Variants in TIAM1 observed in about 807,000 individuals in gnomAD.
The protein encoded by TIAM1 is rho guanine nucleotide exchange factor TIAM1.
A neutral mutation model predicts 163.5 loss-of-function variants in TIAM1; 65 were observed. The ratio of observed to expected loss-of-function variants is 0.40; its 90% CI spans 0.33 to 0.49. The LOEUF (loss-of-function observed/expected upper bound fraction) is 0.49, where lower values mean the gene tolerates loss of function less well. Among genes scored for constraint, TIAM1 ranks in the 20% least tolerant of loss-of-function variants. The pLI, the probability that TIAM1 is intolerant of heterozygous loss-of-function variation, is 0.77. For missense variants in TIAM1, 1,789 were observed against 2,044.7 expected (o/e 0.87, Z 2.41); for synonymous variants, 833 against 810.1 (o/e 1.03, Z -0.48).
At chr21:31,525,739 T>C (rs913802988) in intron 1 of TIAM1, among the ~76,000 whole-genome samples, 2 of 151,924 alleles carry the variant, frequency 1.3e-5, no homozygotes, top group Non-Finnish European at 2.9e-5. Context: ...GACACATTAA[T>C]TATGTCATCC....
intron 1 of TIAM1, among the ~76,000 whole-genome samples, chr21:31,504,424 C>T (rs2046962374): frequency 6.6e-6 from 1 of 152,240 alleles, no homozygotes; most frequent in Non-Finnish European, 1.5e-5. Context: ...AACAAGTTCG[C>T]TACCTGGCAA....
chr21:31,162,996 C>T (rs1297184557), intron 16 of TIAM1, among the ~76,000 whole-genome samples: 1 of 152,116 alleles, frequency 6.6e-6, no homozygotes, highest in East Asian at 1.9e-4. Context: ...ACTGCCAGAA[C>T]CTCATATTAT....
At chr21:31,536,655 A>G (rs1254519882) in intron 1 of TIAM1, among the ~76,000 whole-genome samples, 3 of 152,198 alleles carry the variant, frequency 2.0e-5, no homozygotes, top group Non-Finnish European at 4.4e-5. Flanking sequence ...AGCAGAGCTG[A>G]GTGGGCAGGG....
At chr21:31,365,387 CT>C (rs772457613) in intron 2 of TIAM1, among the ~76,000 whole-genome samples, 93 of 128,796 alleles carry the variant, frequency 7.2e-4, no homozygotes, top group East Asian at 9.6e-4. Context: ...TTATTTCTTT[CT>C]TTTTTTTTTT....
chr21:31,191,961 A>G (rs533598420), intron 13 of TIAM1, among the ~76,000 whole-genome samples: 27 of 152,288 alleles, frequency 1.8e-4, no homozygotes, highest in Middle Eastern at 3.4e-3. Context: ...CTGAAGAGAA[A>G]AAGAATAATC....
At chr21:31,414,667 T>A (rs758604158) in intron 2 of TIAM1, among the ~76,000 whole-genome samples, 3 of 152,154 alleles carry the variant, frequency 2.0e-5, no homozygotes, top group Non-Finnish European at 4.4e-5. Flanking sequence ...AATATGAGCC[T>A]CTGAAGGACA....
At chr21:31,167,265 T>C (rs946483967) in intron 15 of TIAM1, among the ~76,000 whole-genome samples, 1 of 151,998 alleles carries the variant, frequency 6.6e-6, no homozygotes, top group Non-Finnish European at 1.5e-5. Flanking sequence ...CTAACTTTTG[T>C]ATTTTTAGTA....
intron 1 of TIAM1, among the ~76,000 whole-genome samples, chr21:31,552,849 C>A (rs918043461): frequency 6.6e-6 from 1 of 152,254 alleles, no homozygotes. Context: ...CAGTAAGAAT[C>A]ATCATAAAAA....
intron 2 of TIAM1, among the ~76,000 whole-genome samples, chr21:31,410,185 AGT>A (rs879547654): frequency 2.0e-5 from 3 of 148,110 alleles, no homozygotes; most frequent in African/African-American, 5.2e-5. Flanking sequence ...TGTATGTGTG[AGT>A]GTGAAACAGT....
chr21:31,269,816 C>T (rs980410830), intron 3 of TIAM1, among the ~76,000 whole-genome samples: 40 of 152,086 alleles, frequency 2.6e-4, no homozygotes, highest in African/African-American at 8.4e-4. Context: ...GGACTACAGG[C>T]GCCCGCCACC....
In TIAM1 at chr21:31,395,488, T is replaced by A. The variant is rs1208479478; in HGVS notation, c.-368-56066A>T. ...GAGGGGCCCTCGGAGACCGAGGTCATCTAAACACAGCCAATCACCAGATAC... is the reference window on the plus strand; with the variant it reads ...GAGGGGCCCTCGGAGACCGAGGTCAACTAAACACAGCCAATCACCAGATAC... On this transcript the variant is annotated intron_variant, in intron 2 of 28. Coordinates refer to the TIAM1 transcript ENST00000286827. This position sits in a 1 kb window ranked among gnomAD's most constrained non-coding sequence, Gnocchi z 7.5. 6.6e-6 allele frequency among the ~76,000 whole-genome samples: 1 copy of A among 152,092 alleles called. No homozygotes were observed. Among genetic ancestry groups the A allele is most frequent in the Non-Finnish European group, 1.5e-5 (1 of 68,014 alleles).
intron 1 of TIAM1, among the ~76,000 whole-genome samples, chr21:31,536,524 C>T (rs1236817591): frequency 6.6e-6 from 1 of 152,200 alleles, no homozygotes; most frequent in Admixed American, 6.5e-5. Flanking sequence ...AACTCTCACC[C>T]GATACTCTTC....
At position 31,184,622 on chromosome 21, in the gene TIAM1, C is replaced by G. The variant is rs143058209; in HGVS notation, c.2663-1977G>C. The stretch of plus-strand genomic sequence containing the variant: ...AAACAGGATGTGACTGAAACCAGAG[C>G]AGTAGATTCCCCACCCCCGTGCCAC... On this transcript the variant is annotated intron_variant, in intron 14 of 27. Transcript: ENST00000541036. Among the ~76,000 whole-genome samples, 754 of 152,148 alleles carry G rather than the reference C, an allele frequency of 5.0e-3. 12 individuals carry two copies. The highest frequency in any genetic ancestry group is 0.021 in the South Asian group (101 of 4,822).
intron 2 of TIAM1, among the ~76,000 whole-genome samples, chr21:31,388,302 A>G (rs11910505): frequency 0.097 from 14,710 of 150,948 alleles, 777 homozygotes; most frequent in Middle Eastern, 0.13. Flanking sequence ...GAAGGGTACA[A>G]ATGCCAGAAG....
At chr21:31,396,870 G>A (rs2077081446) in intron 2 of TIAM1, among the ~76,000 whole-genome samples, 1 of 152,022 alleles carries the variant, frequency 6.6e-6, no homozygotes, top group Non-Finnish European at 1.5e-5. Flanking sequence ...AGAATCACTT[G>A]AACCTGGGGT....
intron 8 of TIAM1, among the ~76,000 whole-genome samples, chr21:31,220,198 C>G (rs548303524): frequency 6.6e-6 from 1 of 152,222 alleles, no homozygotes; most frequent in South Asian, 2.1e-4. Context: ...CCTGTACTTA[C>G]TGTGTCTAGT....
chr21:31,209,023 C>A (rs1015113474), intron 11 of TIAM1, among the ~76,000 whole-genome samples: 2 of 152,006 alleles, frequency 1.3e-5, no homozygotes, highest in Non-Finnish European at 2.9e-5. Flanking sequence ...TTCTTCTGAG[C>A]CTTACTGATT....
At chr21:31,434,011 TG>T (rs1206390516) in intron 2 of TIAM1, among the ~76,000 whole-genome samples, 1 of 152,148 alleles carries the variant, frequency 6.6e-6, no homozygotes, top group African/African-American at 2.4e-5. Flanking sequence ...TTGCCCAGGC[TG>T]GTCTCAAACT....
chr21:31,367,442 C>G (rs1021287460), intron 2 of TIAM1, among the ~76,000 whole-genome samples: 1 of 152,140 alleles, frequency 6.6e-6, no homozygotes. Flanking sequence ...TTTTGAAATT[C>G]ACTAGTTATC....
Sources: gnomAD v4.1 joint callset for allele counts (sites outside exome capture counted in the v4.1 genomes callset) on GRCh38, gnomAD v4.1.1 for gene constraint, Gnocchi (gnomAD v3.1) non-coding constraint, MANE v1.5 for transcripts, NCBI Gene and HGNC (gene_info 2026-07-23, HGNC 2026-07-21) for gene names.